The following RASSF8 variants were observed in gnomAD, a reference collection of about 807,000 sequenced individuals.
RASSF8 encodes Ras association domain family member 8, also known as ras association domain-containing protein 8.
In RASSF8, 22 loss-of-function variants were observed where a neutral mutation model predicts 48.5. The ratio of observed to expected loss-of-function variants is 0.45; its 90% CI spans 0.32 to 0.65. The LOEUF (loss-of-function observed/expected upper bound fraction) is 0.65. Ranked by LOEUF, RASSF8 falls within the 30% of genes least tolerant of loss-of-function variation. The pLI is 0.03. For synonymous variants in RASSF8, 127 were observed against 171.5 expected, an observed-to-expected ratio of 0.74 and a Z score of 2.03; for missense variants, 418 against 489.2, an observed-to-expected ratio of 0.85 and a Z score of 1.37.
At chr12:26,015,044 A>G (rs1435483016) in intron 2 of RASSF8, among the ~76,000 whole-genome samples, 1 of 148,714 alleles carries the variant, frequency 6.7e-6, no homozygotes, top group African/African-American at 2.5e-5. Context: ...CGTCTGTCCA[A>G]AAAAAAAAAT....
chr12:26,064,997 C>A lies in RASSF8; in HGVS notation c.603C>A (p.Asn201Lys), dbSNP rs532467947. The A allele has an allele frequency of 2.1e-5, 34 of 1,612,904 alleles. No homozygotes were observed. The South Asian group carries it at 3.6e-4, about 17-fold the overall frequency. Residue 201 changes from asparagine to lysine, a missense_variant, in exon 4 of 6, where the codon AAC becomes AAA. By Grantham distance (94) the Asn-to-Lys change is moderately conservative. Transcript: ENST00000689635. The stretch of plus-strand genomic sequence containing the variant: ...TTTGGGAGCAAAAGTATAATTCCAA[C>A]CTTGAAGAGGAAATTGTCCGTCTAG... ...IRFWEQKYNSNLEEEIVRLEQ... is the reference protein window; with the variant it reads ...IRFWEQKYNSKLEEEIVRLEQ...
rs147276731 is a variant in RASSF8 at position 25,961,066 on chromosome 12, G to A, written c.-203+1918G>A. Among the ~76,000 whole-genome samples the A allele has an allele frequency of 9.2e-3, 1,393 of 152,164 alleles. 17 individuals carry two copies. The highest frequency in any genetic ancestry group is 0.044 in the Middle Eastern group (13 of 294). On this transcript the variant is annotated intron_variant, in intron 1 of 5. Coordinates refer to ENST00000689635, the MANE Select transcript of RASSF8 (RefSeq NM_001394098.1). ...TTTTAACCTGAATCTTCAGTGTTTG[G>A]CTCTTGTAGGCTTCTATACGTGGTG... is the stretch of plus-strand genomic sequence containing the variant.
intron 2 of RASSF8, among the ~76,000 whole-genome samples, chr12:26,031,975 C>T (rs576206923): frequency 4.6e-4 from 70 of 152,202 alleles, no homozygotes; most frequent in Admixed American, 3.2e-3. Context: ...TTTTGGTTTA[C>T]ATTTATGTGC....
At chr12:26,059,299 T>C (rs997495344) in intron 3 of RASSF8, among the ~76,000 whole-genome samples, 5 of 152,226 alleles carry the variant, frequency 3.3e-5, no homozygotes, top group African/African-American at 4.8e-5. Context: ...TGATCCACGG[T>C]ACTTTGATAC....
intron 2 of RASSF8, among the ~76,000 whole-genome samples, chr12:26,025,780 TTC>T (rs2137084417): frequency 6.6e-6 from 1 of 152,188 alleles, no homozygotes; most frequent in South Asian, 2.1e-4. Context: ...CAGAAAATAT[TTC>T]TATTTATAAT....
chr12:26,022,238 C>T (rs1260117137), intron 2 of RASSF8, among the ~76,000 whole-genome samples: 1 of 152,166 alleles, frequency 6.6e-6, no homozygotes, highest in African/African-American at 2.4e-5. Flanking sequence ...GCTAACATGA[C>T]ACTGTCATTG....
chr12:26,016,004 A>G (rs1290747153), intron 2 of RASSF8, among the ~76,000 whole-genome samples: 1 of 152,062 alleles, frequency 6.6e-6, no homozygotes, highest in Non-Finnish European at 1.5e-5. Flanking sequence ...CCAAATCACT[A>G]ATTATCTTTA....
chr12:26,068,393 A>C (rs1182231057), intron 5 of RASSF8, among the ~76,000 whole-genome samples: 2 of 152,112 alleles, frequency 1.3e-5, no homozygotes, highest in African/African-American at 4.8e-5. Context: ...GTTATTATTA[A>C]TTTGTGCTGA....
rs769608688 is a variant in RASSF8 at position 26,067,662 on chromosome 12, T to C, written c.1087T>C (p.Leu363=). ...IQQTGTKVTV[L]PAEPIEIEAS... ...GCAGACAGGGACAAAAGTTACCGTT[T>C]TGCCAGCGGAGCCCATTGAAATAGA... Residue 363 remains leucine (L), a synonymous_variant, in exon 5 of 6, where the codon TTG becomes CTG. Transcript: ENST00000689635. 6.2e-7 allele frequency: 1 copy of C among 1,614,192 alleles called. No individual in the cohort carries two copies. Among genetic ancestry groups the C allele is most frequent in the Non-Finnish European group, 8.5e-7 (1 of 1,180,014 alleles).
intron 2 of RASSF8, among the ~76,000 whole-genome samples, chr12:26,046,518 G>A (rs1160850012): frequency 6.6e-6 from 1 of 152,134 alleles, no homozygotes; most frequent in East Asian, 1.9e-4. Context: ...CAGCCAAAAA[G>A]ATTTAAAAAA....
chr12:26,058,473 GT>G (rs1399915093), intron 3 of RASSF8, among the ~76,000 whole-genome samples: 1 of 152,140 alleles, frequency 6.6e-6, no homozygotes, highest in Non-Finnish European at 1.5e-5. Context: ...TTGTAGACTG[GT>G]TTCTTAGGTT....
chr12:25,995,909 G>A (rs1270014740), intron 2 of RASSF8, among the ~76,000 whole-genome samples: 1 of 152,120 alleles, frequency 6.6e-6, no homozygotes, highest in Non-Finnish European at 1.5e-5. Context: ...TCTCTCATTT[G>A]CAAAAGTTAT....
intron 2 of RASSF8, chr12:26,020,619 A>T (rs147095141): frequency 6.6e-6 from 1 of 152,234 alleles, no homozygotes; most frequent in African/African-American, 2.4e-5. Context: ...TAAATTGCCA[A>T]TATGGAACAA....
chr12:25,981,647 T>A (rs1219691582), intron 1 of RASSF8, among the ~76,000 whole-genome samples: 2 of 152,234 alleles, frequency 1.3e-5, no homozygotes, highest in Non-Finnish European at 2.9e-5. Flanking sequence ...TTGTAGTTGC[T>A]GGTCCCTTTC....
intron 2 of RASSF8, among the ~76,000 whole-genome samples, chr12:26,016,430 T>C (rs528834038): frequency 2.6e-5 from 4 of 152,306 alleles, no homozygotes; most frequent in African/African-American, 9.6e-5. Context: ...CCAGATGTTT[T>C]CTTGCCGTGT....
intron 1 of RASSF8, among the ~76,000 whole-genome samples, chr12:25,973,522 T>C (rs755080899): frequency 6.6e-6 from 1 of 152,206 alleles, no homozygotes; most frequent in Non-Finnish European, 1.5e-5. Context: ...TAACTTGAGA[T>C]GCTGAGTTTG....
At chr12:25,999,401 A>G (rs1472185076) in intron 2 of RASSF8, among the ~76,000 whole-genome samples, 4 of 152,206 alleles carry the variant, frequency 2.6e-5, no homozygotes, top group Non-Finnish European at 4.4e-5. Context: ...AGTGAATTTG[A>G]CCTAAAATTA....
intron 2 of RASSF8, among the ~76,000 whole-genome samples, chr12:26,031,571 A>G (rs1414347218): frequency 6.6e-6 from 1 of 152,208 alleles, no homozygotes; most frequent in East Asian, 1.9e-4. Flanking sequence ...GGTGTAAGCA[A>G]CTATAAAATT....
intron 1 of RASSF8, among the ~76,000 whole-genome samples, chr12:25,983,761 T>C (rs748843386): frequency 5.3e-5 from 8 of 152,198 alleles, no homozygotes; most frequent in Non-Finnish European, 1.0e-4. Context: ...ATTTTTTATC[T>C]GTACAGTGGA....
Sources: allele counts gnomAD v4.1 joint callset (sites outside exome capture counted in the v4.1 genomes callset), GRCh38; gene constraint gnomAD v4.1.1; transcripts MANE v1.5; gene names NCBI Gene and HGNC (gene_info 2026-07-23, HGNC 2026-07-21).